EFHC1: variants seen among roughly 807,000 people sequenced by gnomAD.
EFHC1 encodes EF-hand domain-containing protein 1.
EFHC1 carries 53 observed loss-of-function variants against 69.9 expected under a neutral mutation model. That is an observed-to-expected ratio of 0.76 (90% CI 0.61 to 0.95). The LOEUF (loss-of-function observed/expected upper bound fraction) is 0.95. Ranked by LOEUF, EFHC1 falls within the 40% of genes least tolerant of loss-of-function variation. The pLI, the probability that EFHC1 is intolerant of heterozygous loss-of-function variation, is 0.00. For missense variants in EFHC1, 739 were observed against 798.7 expected (o/e 0.93, Z 0.90); for synonymous variants, 256 against 278.4 (o/e 0.92, Z 0.80).
At chr6:52,471,745 G>A (rs1253219054) in intron 7 of EFHC1, among the ~76,000 whole-genome samples, 1 of 152,118 alleles carries the variant, frequency 6.6e-6, no homozygotes, top group East Asian at 1.9e-4. Context: ...GCATGCACCT[G>A]TAATCCCAGG....
At chr6:52,441,776 T>TA (rs1189785443) in intron 3 of EFHC1, among the ~76,000 whole-genome samples, 2 of 152,190 alleles carry the variant, frequency 1.3e-5, no homozygotes, top group Non-Finnish European at 2.9e-5. Context: ...CTGATTTCCT[T>TA]AAGCAGTGTT....
chr6:52,436,890 C>A (rs574716778), intron 2 of EFHC1, among the ~76,000 whole-genome samples: 2 of 152,306 alleles, frequency 1.3e-5, no homozygotes, highest in Admixed American at 1.3e-4. Context: ...GATCTGCCTG[C>A]CTTGGCCTCC....
chr6:52,490,714 G>A (rs1003735316), intron 10 of EFHC1: 5 of 442,240 alleles, frequency 1.1e-5, no homozygotes, highest in African/African-American at 9.7e-5. Context: ...ACCCTTCACA[G>A]CTGATACCTA....
At chr6:52,483,819 A>C (rs548697481) in intron 9 of EFHC1, 4 of 152,274 alleles carry the variant, frequency 2.6e-5, no homozygotes, top group South Asian at 4.2e-4. Flanking sequence ...TATTAAGGGA[A>C]TTGGGGACCT....
chr6:52,490,074 G>T (rs921727892), intron 9 of EFHC1, 66 bp from the exon 10 acceptor site: 20 of 1,435,592 alleles, frequency 1.4e-5, no homozygotes, highest in Non-Finnish European at 1.8e-5. Context: ...TAAGAACTTT[G>T]GTCACCGAGA....
intron 9 of EFHC1, chr6:52,485,558 G>A (rs942544850): frequency 6.6e-6 from 1 of 152,148 alleles, no homozygotes; most frequent in Non-Finnish European, 1.5e-5. Context: ...CCTCATGGAA[G>A]GTGTCTGGAT....
At chr6:52,454,467 C>T (rs1273414476) in intron 5 of EFHC1, among the ~76,000 whole-genome samples, 180 bp downstream of exon 5, 1 of 152,096 alleles carries the variant, frequency 6.6e-6, no homozygotes, top group Non-Finnish European at 1.5e-5. Flanking sequence ...CCAGGCGTGC[C>T]CCCAAGACAG....
At chr6:52,473,655 G>A (rs181622832) in intron 7 of EFHC1, among the ~76,000 whole-genome samples, 5 of 152,170 alleles carry the variant, frequency 3.3e-5, no homozygotes, top group East Asian at 1.9e-4. Context: ...GTTAGTGCAC[G>A]CCTGTAGTCC....
chr6:52,471,187 G>A (rs12660129), intron 7 of EFHC1, among the ~76,000 whole-genome samples: 15,115 of 152,236 alleles, frequency 0.099, 1,290 homozygotes, highest in East Asian at 0.45. Context: ...GACAAACATT[G>A]GAATCTATTT....
intron 9 of EFHC1, 60 bp from the exon 10 acceptor site, chr6:52,490,080 C>A: frequency 6.6e-7 from 1 of 1,505,336 alleles, no homozygotes; most frequent in Non-Finnish European, 9.2e-7. Flanking sequence ...CTTTGGTCAC[C>A]GAGATGAGAC....
intron 5 of EFHC1, among the ~76,000 whole-genome samples, chr6:52,459,312 A>G (rs1228587982): frequency 6.6e-6 from 1 of 152,250 alleles, no homozygotes; most frequent in Non-Finnish European, 1.5e-5. Context: ...AAATATTTGT[A>G]AAACATATTT....
In EFHC1 at chr6:52,490,315, C is replaced by T. The variant is rs1438797961; in HGVS notation, c.1816C>T (p.Leu606Phe). 1.2e-6 allele frequency: 2 copies of T among 1,613,988 alleles called. No individual in the cohort carries two copies. The highest frequency in any genetic ancestry group is 2.2e-5 in the East Asian group (1 of 44,902). Reference sequence around the variant, plus strand: ...CATGTTCTTTAAAATCTGTGAATCGCTTAACGTCCCAGTGGATGACTCCTT... The same window carrying T: ...CATGTTCTTTAAAATCTGTGAATCGTTTAACGTCCCAGTGGATGACTCCTT... ...RDMFFKICESLNVPVDDSLVK... is the reference protein window; with the variant it reads ...RDMFFKICESFNVPVDDSLVK... Residue 606 changes from leucine (L) to phenylalanine (F), a missense_variant, in exon 10 of 11, where the codon CTT becomes TTT. Coordinates refer to ENST00000371068, the MANE Select transcript of EFHC1 (RefSeq NM_018100.4).
chr6:52,431,043 A>G (rs2113972589), intron 2 of EFHC1, among the ~76,000 whole-genome samples: 1 of 152,230 alleles, frequency 6.6e-6, no homozygotes, highest in East Asian at 1.9e-4. Flanking sequence ...CAGTTGTAAT[A>G]TCTTCCATTT....
rs1424099180 is a variant in EFHC1 at position 52,452,748 on chromosome 6, T to C, written c.634T>C (p.Tyr212His). ...ACCAGAGAAGATGGCTCTTGATCCT[T>C]ACACTGAACTCCGAAAACAGCCTCT... ...NPPEKMALDP[Y>H]TELRKQPLRK... The change falls in exon 4 of 11, where the codon TAC (tyrosine) becomes CAC (histidine). Residue 212 changes from tyrosine (Y) to histidine (H), a missense_variant. Physicochemically the swap from Tyr to His is moderately conservative, Grantham distance 83. Transcript: ENST00000371068. 3.1e-6 allele frequency: 5 copies of C among 1,614,098 alleles called. No homozygotes were observed. The South Asian group carries it at 3.3e-5, about 11-fold the overall frequency.
intron 2 of EFHC1, among the ~76,000 whole-genome samples, chr6:52,435,671 G>T (rs1393777876): frequency 6.6e-6 from 1 of 152,142 alleles, no homozygotes; most frequent in Non-Finnish European, 1.5e-5. Context: ...CAGTCTGATT[G>T]CCATGCCTAG....
chr6:52,472,675 TATGTAATATCTTTTACATAC>T (rs1765464136), intron 7 of EFHC1, among the ~76,000 whole-genome samples: 1 of 135,922 alleles, frequency 7.4e-6, no homozygotes, highest in African/African-American at 3.3e-5. Flanking sequence ...ATACAAGAGA[TATGTAATATCTTTTACATAC>T]AAGAGATATG....
intron 2 of EFHC1, among the ~76,000 whole-genome samples, chr6:52,437,408 A>G (rs1764557615): frequency 6.6e-6 from 1 of 152,206 alleles, no homozygotes; most frequent in African/African-American, 2.4e-5. Context: ...GTTTATACAC[A>G]TTGTGAGTAT....
At chr6:52,458,687 G>C (rs971904042) in intron 5 of EFHC1, among the ~76,000 whole-genome samples, 1 of 152,158 alleles carries the variant, frequency 6.6e-6, no homozygotes, top group Admixed American at 6.5e-5. Flanking sequence ...ATGTGAACTA[G>C]TTCAGCCCCT....
At chr6:52,492,138 T>A in intron 10 of EFHC1, 132 bp from the exon 11 acceptor site, 1 of 773,102 alleles carries the variant, frequency 1.3e-6, no homozygotes. Context: ...CATTTCAGAA[T>A]CAACTTGAGG....
Sources: gnomAD v4.1 joint callset for allele counts (sites outside exome capture counted in the v4.1 genomes callset) on GRCh38, gnomAD v4.1.1 for gene constraint, MANE v1.5 for transcripts, NCBI Gene and HGNC (gene_info 2026-07-23, HGNC 2026-07-21) for gene names.